Variants in LPIN1 observed in about 807,000 individuals in gnomAD.
LPIN1 encodes phosphatidate phosphatase LPIN1.
A neutral mutation model predicts 107.5 loss-of-function variants in LPIN1; 71 were observed. That is an observed-to-expected ratio of 0.66 (90% CI 0.55 to 0.80). The LOEUF (loss-of-function observed/expected upper bound fraction) is 0.80, where lower values mean the gene tolerates loss of function less well. Among genes scored for constraint, LPIN1 ranks in the 30% least tolerant of loss-of-function variants. The probability of loss-of-function intolerance (pLI) is 0.00; values close to 1 mark genes in which losing one functional copy is unlikely to be tolerated. For missense variants in LPIN1, 1,043 were observed against 1,160.6 expected (o/e 0.90, Z 1.47); for synonymous variants, 445 against 452.6 (o/e 0.98, Z 0.21).
At chr2:11,746,590 G>A, upstream of LPIN1, 1 of 930,506 alleles carries the variant, frequency 1.1e-6, no homozygotes, top group Non-Finnish European at 1.3e-6. Context: ...CCCCTGCCCC[G>A]CCCCCGAAGG....
intron 1 of LPIN1, among the ~76,000 whole-genome samples, chr2:11,738,858 T>C (rs1055920104): frequency 2.0e-5 from 3 of 152,108 alleles, no homozygotes; most frequent in South Asian, 2.1e-4. Flanking sequence ...GGTCTGCACA[T>C]GAATGTGAGG....
At chr2:11,821,519 A>G (rs1351608886) in intron 20 of LPIN1, among the ~76,000 whole-genome samples, 1 of 152,134 alleles carries the variant, frequency 6.6e-6, no homozygotes, top group Non-Finnish European at 1.5e-5. Flanking sequence ...TCTGTCTCAA[A>G]AAACAAAAGA....
intron 1 of LPIN1, among the ~76,000 whole-genome samples, chr2:11,738,241 G>T (rs924077987): frequency 6.6e-6 from 1 of 151,994 alleles, no homozygotes; most frequent in African/African-American, 2.4e-5. Context: ...GTTGGGGAGT[G>T]GGGGGCTAGG....
chr2:11,759,139 TTCTTTC>T (rs1172051048), intron 1 of LPIN1, among the ~76,000 whole-genome samples: 3 of 83,202 alleles, frequency 3.6e-5, no homozygotes, highest in Non-Finnish European at 7.7e-5. Context: ...TTTCTTTTCT[TTCTTTC>T]TTTCTTTCTT....
intron 1 of LPIN1, among the ~76,000 whole-genome samples, chr2:11,724,851 A>G (rs970228997): frequency 6.6e-6 from 1 of 152,246 alleles, no homozygotes; most frequent in Non-Finnish European, 1.5e-5. Flanking sequence ...AGGTCTTGCC[A>G]GCTTTTCAGT....
At chr2:11,698,413 G>A (rs992515157) in intron 1 of LPIN1, among the ~76,000 whole-genome samples, 12 of 152,160 alleles carry the variant, frequency 7.9e-5, no homozygotes, top group African/African-American at 2.4e-4. Context: ...CGCCTCTTCC[G>A]GGAAACGTAG....
rs113864436 is a variant in LPIN1, at chr2:11,765,764, C to T, written c.192+31C>T. Reference sequence around the variant, plus strand: ...CTCTCAGGGCACGGGGACCTGGCACCGGCTCTCCTTAGAGAATGCCCTTGT... The same window carrying T: ...CTCTCAGGGCACGGGGACCTGGCACTGGCTCTCCTTAGAGAATGCCCTTGT... On this transcript the variant is annotated intron_variant, in intron 2 of 20. Transcript: ENST00000674199. The surrounding 1 kb of genome is among the most constrained non-coding windows in gnomAD (Gnocchi z 4.4). 9.4e-5 allele frequency: 150 copies of T among 1,591,034 alleles called. 1 individual carries two copies. Among genetic ancestry groups the T allele is most frequent in the African/African-American group, 9.0e-4 (67 of 74,672 alleles).
intron 1 of LPIN1, among the ~76,000 whole-genome samples, chr2:11,702,907 C>A (rs1662952921): frequency 7.7e-6 from 1 of 129,084 alleles, no homozygotes; most frequent in Non-Finnish European, 1.7e-5. Context: ...TCGCCATAGA[C>A]TTGAATATCT....
Position 11,707,110 on chromosome 2 carries a change from G to A in LPIN1, c.82-6646G>A, listed in dbSNP as rs1479839379. ...CACGTGAGGCATTATCACAGGTGCTGGGAGTATGGCAGGAGAGAAAGGAAG... is the reference window on the plus strand; with the variant it reads ...CACGTGAGGCATTATCACAGGTGCTAGGAGTATGGCAGGAGAGAAAGGAAG... On this transcript the variant is annotated intron_variant, in intron 1 of 21. Transcript: ENST00000449576. This position sits in a 1 kb window ranked among gnomAD's most constrained non-coding sequence, Gnocchi z 4.2. 2.0e-5 allele frequency among the ~76,000 whole-genome samples: 3 copies of A among 152,192 alleles called. No individual in the cohort carries two copies. The highest frequency in any genetic ancestry group is 7.2e-5 in the African/African-American group (3 of 41,438).
intron 1 of LPIN1, among the ~76,000 whole-genome samples, chr2:11,758,077 T>G (rs995999938): frequency 5.3e-5 from 8 of 152,244 alleles, no homozygotes; most frequent in Non-Finnish European, 1.2e-4. Flanking sequence ...AAGGTTCATC[T>G]ACACAGTAGC....
At position 11,804,244 on chromosome 2, in the gene LPIN1, G is replaced by A. The variant is rs564726316; in HGVS notation, c.2014-179G>A. ...AGAGAGCTGAGGTTTCATTTTGCCT[G>A]TCCAGCCCCGGAAAGAACCAGAACA... is the stretch of plus-strand genomic sequence containing the variant. On this transcript the variant is annotated intron_variant, in intron 15 of 20. Coordinates refer to ENST00000674199, the MANE Select transcript of LPIN1 (RefSeq NM_001349206.2). 4.6e-5 allele frequency among the ~76,000 whole-genome samples: 7 copies of A among 152,278 alleles called. No individual in the cohort carries two copies. In the East Asian group the frequency reaches 1.4e-3, roughly 29 times the overall value.
At chr2:11,699,844 TG>T (rs1188068227) in intron 1 of LPIN1, among the ~76,000 whole-genome samples, 2 of 151,924 alleles carry the variant, frequency 1.3e-5, no homozygotes, top group Admixed American at 1.3e-4. Context: ...GGAGACGGGC[TG>T]GGGGAGGGAG....
chr2:11,818,643 A>C (rs944124592), intron 18 of LPIN1: 3 of 151,484 alleles, frequency 2.0e-5, no homozygotes, highest in Non-Finnish European at 4.4e-5. Flanking sequence ...AATTCTTTCT[A>C]GTATGTATAA....
chr2:11,724,199 C>T (rs1026652032), upstream of LPIN1: 3 of 317,554 alleles, frequency 9.4e-6, no homozygotes, highest in African/African-American at 4.5e-5. Flanking sequence ...CTGCGTGCCC[C>T]CTCCTGAAAC....
intron 17 of LPIN1, among the ~76,000 whole-genome samples, chr2:11,813,722 C>T (rs1680082130): frequency 6.6e-6 from 1 of 151,946 alleles, no homozygotes; most frequent in Non-Finnish European, 1.5e-5. Context: ...CAGGACCAGC[C>T]TGGCCAACAT....
intron 1 of LPIN1, among the ~76,000 whole-genome samples, chr2:11,691,211 G>C (rs1426420298): frequency 6.6e-6 from 1 of 151,394 alleles, no homozygotes; most frequent in Non-Finnish European, 1.5e-5. Flanking sequence ...TGCCTCCCCA[G>C]GTCCGGGGGC....
intron 1 of LPIN1, among the ~76,000 whole-genome samples, chr2:11,756,082 C>T (rs544514386): frequency 6.6e-5 from 10 of 152,248 alleles, no homozygotes; most frequent in Middle Eastern, 3.4e-3. Context: ...TGAACAAAAA[C>T]GGGGATTGTA....
chr2:11,791,871 CT>C lies in LPIN1; in HGVS notation c.1714-36del, dbSNP rs763970068. The C allele has an allele frequency of 6.2e-6, 10 of 1,605,230 alleles. No homozygotes were observed. The African/African-American group carries it at 1.1e-4, about 17-fold the overall frequency. ...TTTGGTTTGAATGTGCTAAGTTGATCTTTTTTTGTTCCATTATTTATGTTAC... is the reference window on the plus strand; with the variant it reads ...TTTGGTTTGAATGTGCTAAGTTGATCTTTTTTGTTCCATTATTTATGTTAC... On this transcript the variant is annotated intron_variant, in intron 12 of 20. Transcript: ENST00000674199.
At position 11,709,491 on chromosome 2, in the gene LPIN1, C is replaced by T. The variant is rs530906110; in HGVS notation, c.82-4265C>T. 7.9e-5 allele frequency among the ~76,000 whole-genome samples: 12 copies of T among 152,374 alleles called. No homozygotes were observed. In the South Asian group the frequency reaches 8.3e-4, roughly 11 times the overall value. ...CCTCTCACATTTTGGACAGTTCCCACACATTCCTGGAATCCTCCATTGGAC... is the reference window on the plus strand; with the variant it reads ...CCTCTCACATTTTGGACAGTTCCCATACATTCCTGGAATCCTCCATTGGAC... On this transcript the variant is annotated intron_variant, in intron 1 of 21. Transcript: ENST00000449576.
Sources: gnomAD v4.1 joint callset for allele counts (sites outside exome capture counted in the v4.1 genomes callset) on GRCh38, gnomAD v4.1.1 for gene constraint, Gnocchi (gnomAD v3.1) non-coding constraint, MANE v1.5 for transcripts, NCBI Gene and HGNC (gene_info 2026-07-23, HGNC 2026-07-21) for gene names.